The following EXOC6B variants were observed in gnomAD, a reference collection of about 807,000 sequenced individuals.
EXOC6B encodes the protein SEC15 homolog B.
Under a neutral mutation model 113.5 loss-of-function variants are expected in EXOC6B, and 54 were observed. The ratio of observed to expected loss-of-function variants is 0.48; its 90% CI spans 0.38 to 0.60. The LOEUF is 0.60. Among genes scored for constraint, EXOC6B ranks in the 20% least tolerant of loss-of-function variants. The pLI is 0.00. For synonymous variants in EXOC6B, 357 were observed against 339.0 expected (o/e 1.05, Z -0.58); for missense variants, 797 against 977.5 (o/e 0.82, Z 2.46).
At chr2:72,800,708 G>A (rs1685227436) in intron 1 of EXOC6B, among the ~76,000 whole-genome samples, 1 of 152,114 alleles carries the variant, frequency 6.6e-6, no homozygotes, top group Non-Finnish European at 1.5e-5. Flanking sequence ...GAGCCAGAAA[G>A]GGAATTCAAG....
At chr2:72,605,712 C>G (rs945517624) in intron 6 of EXOC6B, among the ~76,000 whole-genome samples, 1 of 152,158 alleles carries the variant, frequency 6.6e-6, no homozygotes, top group Non-Finnish European at 1.5e-5. Context: ...CCATTCCAGG[C>G]AAACAACTTT....
chr2:72,288,335 C>T (rs1204131024), intron 20 of EXOC6B, among the ~76,000 whole-genome samples: 1 of 151,804 alleles, frequency 6.6e-6, no homozygotes, highest in Non-Finnish European at 1.5e-5. Flanking sequence ...GGTACATATC[C>T]AACAGAAATG....
chr2:72,340,453 G>A (rs1286723985), intron 19 of EXOC6B, among the ~76,000 whole-genome samples: 1 of 151,996 alleles, frequency 6.6e-6, no homozygotes, highest in Non-Finnish European at 1.5e-5. Flanking sequence ...AGCAATTTTG[G>A]GAGAAAAAAT....
At chr2:72,767,814 A>AAAAAAAAAAAAAAAC (rs1683167318) in intron 1 of EXOC6B, among the ~76,000 whole-genome samples, 1 of 130,022 alleles carries the variant, frequency 7.7e-6, no homozygotes, top group Non-Finnish European at 1.6e-5. Context: ...TTGTTAAAAA[A>AAAAAAAAAAAAAAAC]AAAAAAAAAA....
chr2:72,764,445 C>T (rs2104914496), intron 1 of EXOC6B, among the ~76,000 whole-genome samples: 1 of 138,860 alleles, frequency 7.2e-6, no homozygotes, highest in Admixed American at 7.7e-5. Context: ...GATCACAGCT[C>T]ACTGTAGCCC....
chr2:72,699,810 T>A (rs1205208984), intron 6 of EXOC6B, among the ~76,000 whole-genome samples: 5 of 152,106 alleles, frequency 3.3e-5, no homozygotes, highest in African/African-American at 1.2e-4. Flanking sequence ...CCCGCAAAAG[T>A]AGGCTAAGAC....
chr2:72,185,564 T>C lies in EXOC6B; in HGVS notation c.2197-1377A>G, dbSNP rs186647669. Among the ~76,000 whole-genome samples, 194 of 152,286 alleles carry C rather than the reference T, an allele frequency of 1.3e-3. 1 individual carries two copies. Among genetic ancestry groups the C allele is most frequent in the Admixed American group, 4.2e-3 (65 of 15,302 alleles). ...AGTGGGGGAGAGACAGGCACACTGG[T>C]TGGTCTGGGCCAGGATGGTCCCAAA... On this transcript the variant is annotated intron_variant, in intron 20 of 21. Transcript: ENST00000272427.
chr2:72,518,694 A>G (rs1701341032), intron 8 of EXOC6B, among the ~76,000 whole-genome samples: 1 of 152,150 alleles, frequency 6.6e-6, no homozygotes, highest in South Asian at 2.1e-4. Flanking sequence ...AATCTGAAAG[A>G]AGTTCTCCAT....
At chr2:72,416,843 T>C (rs1341727633) in intron 18 of EXOC6B, among the ~76,000 whole-genome samples, 2 of 152,170 alleles carry the variant, frequency 1.3e-5, no homozygotes, top group Non-Finnish European at 2.9e-5. Context: ...ACACAAGTCA[T>C]TAACAATCGC....
At chr2:72,323,020 C>G (rs1687921045) in intron 20 of EXOC6B, among the ~76,000 whole-genome samples, 1 of 152,122 alleles carries the variant, frequency 6.6e-6, no homozygotes, top group African/African-American at 2.4e-5. Flanking sequence ...AGCTTCTGCA[C>G]AGCAAAAGAA....
At chr2:72,189,663 T>G (rs892727482) in intron 20 of EXOC6B, among the ~76,000 whole-genome samples, 2 of 152,020 alleles carry the variant, frequency 1.3e-5, no homozygotes, top group Non-Finnish European at 2.9e-5. Flanking sequence ...GCAAGTACTC[T>G]CTCTTCCCTG....
At position 72,694,737 on chromosome 2, in the gene EXOC6B, T is replaced by C. The variant is rs144822106; in HGVS notation, c.669+23366A>G. Among the ~76,000 whole-genome samples, 5 of 152,316 alleles carry C rather than the reference T, an allele frequency of 3.3e-5. No homozygotes were observed. The East Asian group carries it at 9.7e-4, about 29-fold the overall frequency. On this transcript the variant is annotated intron_variant, in intron 6 of 21. Transcript: ENST00000272427. ...AATCTTGCATGTTCCACAGGCTGTG[T>C]ATATACACATGGCCGGAGTCACCTT...
At position 72,486,917 on chromosome 2, in the gene EXOC6B, C is replaced by A. The variant is rs533809135; in HGVS notation, c.1665+5401G>T. The stretch of plus-strand genomic sequence containing the variant: ...ACCGACTTCCCCTGCTAGCTATCAC[C>A]CCATTTCTTTGTTTCCTTTGGTAAC... On this transcript the variant is annotated intron_variant, in intron 16 of 21. Coordinates refer to ENST00000272427, the MANE Select transcript of EXOC6B (RefSeq NM_015189.3). Among the ~76,000 whole-genome samples, 10 of 151,910 alleles carry A rather than the reference C, an allele frequency of 6.6e-5. No homozygotes were observed. In the East Asian group the frequency reaches 1.9e-3, roughly 29 times the overall value.
intron 8 of EXOC6B, among the ~76,000 whole-genome samples, chr2:72,552,792 G>C (rs902428232): frequency 6.6e-6 from 1 of 151,770 alleles, no homozygotes; most frequent in Non-Finnish European, 1.5e-5. Context: ...ATATTAATAT[G>C]TATAGAAAAC....
At chr2:72,652,243 T>A (rs548525869) in intron 6 of EXOC6B, among the ~76,000 whole-genome samples, 15 of 150,418 alleles carry the variant, frequency 1.0e-4, no homozygotes, top group African/African-American at 3.7e-4. Flanking sequence ...AGCAGGAACG[T>A]CAACCTTTGA....
intron 18 of EXOC6B, among the ~76,000 whole-genome samples, chr2:72,401,545 GTGTATA>G (rs1410862995): frequency 9.5e-4 from 10 of 10,534 alleles, no homozygotes; most frequent in African/African-American, 3.3e-3. Flanking sequence ...ATATATATAT[GTGTATA>G]TATATATATA....
At chr2:72,228,184 G>A (rs555229815) in intron 20 of EXOC6B, among the ~76,000 whole-genome samples, 2 of 152,314 alleles carry the variant, frequency 1.3e-5, no homozygotes, top group South Asian at 4.1e-4. Context: ...AGGACATGGA[G>A]TTGACATCAC....
chr2:72,394,256 T>C (rs1321092948), intron 18 of EXOC6B, among the ~76,000 whole-genome samples: 2 of 152,206 alleles, frequency 1.3e-5, no homozygotes, highest in Non-Finnish European at 2.9e-5. Context: ...GTATATCTTT[T>C]ATAGTCATAT....
intron 6 of EXOC6B, among the ~76,000 whole-genome samples, chr2:72,674,903 C>G (rs968686543): frequency 6.6e-6 from 1 of 152,138 alleles, no homozygotes; most frequent in Admixed American, 6.6e-5. Flanking sequence ...CTAAAGAATA[C>G]ACAGTGTCAA....
Sources: gnomAD v4.1 joint callset for allele counts (sites outside exome capture counted in the v4.1 genomes callset) on GRCh38, gnomAD v4.1.1 for gene constraint, MANE v1.5 for transcripts, NCBI Gene and HGNC (gene_info 2026-07-23, HGNC 2026-07-21) for gene names.